DGCR2: variants seen among roughly 807,000 people sequenced by gnomAD.
DGCR2 encodes the protein DiGeorge syndrome critical region gene 2.
DGCR2 carries 24 observed loss-of-function variants against 51.6 expected under a neutral mutation model. The observed-to-expected ratio is 0.47, with a 90% CI of 0.34 to 0.65. The LOEUF is 0.65. Ranked by LOEUF, DGCR2 falls within the 30% of genes least tolerant of loss-of-function variation. The pLI is 0.01. For synonymous variants in DGCR2, 340 were observed against 315.4 expected (o/e 1.08, Z -0.82); for missense variants, 765 against 772.1 (o/e 0.99, Z 0.11).
chr22:19,082,101 C>A (rs1190999491), intron 2 of DGCR2, among the ~76,000 whole-genome samples: 1 of 146,480 alleles, frequency 6.8e-6, no homozygotes, highest in Non-Finnish European at 1.5e-5. Flanking sequence ...ACTCTGATGT[C>A]CAGTGGTGTA....
chr22:19,043,179 CTCT>C (rs935556431), intron 7 of DGCR2, among the ~76,000 whole-genome samples: 92 of 152,386 alleles, frequency 6.0e-4, no homozygotes, highest in African/African-American at 1.9e-3. Flanking sequence ...CCTTCCTCTG[CTCT>C]TCTTCAACCA....
intron 1 of DGCR2, among the ~76,000 whole-genome samples, chr22:19,117,326 T>C (rs897434549): frequency 6.6e-6 from 1 of 152,268 alleles, no homozygotes; most frequent in African/African-American, 2.4e-5. Context: ...TCTTCATTCC[T>C]AAACCCAGAA....
At chr22:19,085,923 T>C (rs1261674019) in intron 2 of DGCR2, among the ~76,000 whole-genome samples, 1 of 152,130 alleles carries the variant, frequency 6.6e-6, no homozygotes, top group Non-Finnish European at 1.5e-5. Flanking sequence ...GGGTGGTTAT[T>C]AGCTAACTCT....
chr22:19,094,006 C>CT (rs1239486226), intron 1 of DGCR2, among the ~76,000 whole-genome samples: 1 of 140,174 alleles, frequency 7.1e-6, no homozygotes, highest in East Asian at 2.0e-4. Context: ...CTCCCCAACT[C>CT]TAAAAAAAAA....
intron 5 of DGCR2, among the ~76,000 whole-genome samples, chr22:19,058,426 G>C (rs1018288221): frequency 6.6e-6 from 1 of 152,114 alleles, no homozygotes; most frequent in Non-Finnish European, 1.5e-5. Context: ...TGGAGGGCTG[G>C]TCTCCACTGC....
intron 2 of DGCR2, among the ~76,000 whole-genome samples, chr22:19,070,704 C>T (rs1342907929): frequency 1.3e-5 from 2 of 152,256 alleles, no homozygotes; most frequent in African/African-American, 2.4e-5. Flanking sequence ...AAGGACACCA[C>T]TCTGTTGAGC....
intron 1 of DGCR2, among the ~76,000 whole-genome samples, chr22:19,095,299 T>C (rs1038294191): frequency 6.6e-6 from 1 of 151,700 alleles, no homozygotes; most frequent in Non-Finnish European, 1.5e-5. Context: ...GAGGCAGAGG[T>C]TGCAGTGAGT....
chr22:19,118,695 G>A (rs1432541848), intron 1 of DGCR2, among the ~76,000 whole-genome samples: 1 of 152,244 alleles, frequency 6.6e-6, no homozygotes, highest in East Asian at 1.9e-4. Context: ...CCAGCAGGAA[G>A]GGACCAGGGT....
intron 6 of DGCR2, among the ~76,000 whole-genome samples, chr22:19,051,023 T>C (rs2082542267): frequency 6.6e-6 from 1 of 151,810 alleles, no homozygotes; most frequent in Non-Finnish European, 1.5e-5. Context: ...ACCCTGTCTC[T>C]ACTAAAAATA....
At chr22:19,095,196 C>T (rs779190985) in intron 1 of DGCR2, among the ~76,000 whole-genome samples, 1 of 152,082 alleles carries the variant, frequency 6.6e-6, no homozygotes, top group African/African-American at 2.4e-5. Flanking sequence ...AACCCCATCT[C>T]TACTAAAAAT....
intron 2 of DGCR2, among the ~76,000 whole-genome samples, chr22:19,086,021 A>G (rs1041868133): frequency 1.4e-4 from 22 of 152,180 alleles, no homozygotes; most frequent in Non-Finnish European, 2.6e-4. Flanking sequence ...ACTTGACTCT[A>G]TATCTATGAT....
Position 19,072,958 on chromosome 22 carries a change from T to G in DGCR2, c.203-4733A>C, listed in dbSNP as rs182650957. On this transcript the variant is annotated intron_variant, in intron 2 of 9. Transcript: ENST00000263196. ...CATTACTTGCCTCTGAAAATGATCT[T>G]GTACAAATGAACAGGAGGCCAGGTG... Among the ~76,000 whole-genome samples the G allele has an allele frequency of 3.4e-3, 514 of 152,178 alleles. 2 individuals carry two copies. The highest frequency in any genetic ancestry group is 0.012 in the African/African-American group (501 of 41,522).
At chr22:19,059,828 T>G (rs138906146) in intron 5 of DGCR2, among the ~76,000 whole-genome samples, 1,995 of 152,188 alleles carry the variant, frequency 0.013, 39 homozygotes, top group South Asian at 0.058. Flanking sequence ...CTCCCACATG[T>G]GCGAGCAGCC....
chr22:19,057,232 G>T lies in DGCR2; in HGVS notation c.626-70C>A. 1.4e-6 allele frequency: 2 copies of T among 1,439,952 alleles called. No individual in the cohort carries two copies. Among genetic ancestry groups the T allele is most frequent in the African/African-American group, 1.4e-5 (1 of 70,526 alleles). The allele number at this position is 1,439,952 out of a possible 1,614,324, so 89.2% of individuals were successfully genotyped here. A position where few individuals can be genotyped will look rare whatever the true frequency, so the allele number is the denominator to read the frequency against. On this transcript the variant is annotated intron_variant, in intron 5 of 9. Coordinates refer to ENST00000263196, the MANE Select transcript of DGCR2 (RefSeq NM_005137.3). This position sits in a 1 kb window ranked among gnomAD's most constrained non-coding sequence, Gnocchi z 5.1. Reference sequence around the variant, plus strand: ...GGACAAGCTGTGCAGTCCTCAAGGGGACCATGGCGTCAGACAGGATCATCA... The same window carrying T: ...GGACAAGCTGTGCAGTCCTCAAGGGTACCATGGCGTCAGACAGGATCATCA...
chr22:19,096,388 A>G (rs2083140015), intron 1 of DGCR2, among the ~76,000 whole-genome samples: 1 of 152,178 alleles, frequency 6.6e-6, no homozygotes. Flanking sequence ...ATAGGTACAA[A>G]AACACAGTTA....
intron 1 of DGCR2, among the ~76,000 whole-genome samples, chr22:19,095,451 G>C (rs2083128151): frequency 6.6e-6 from 1 of 152,046 alleles, no homozygotes; most frequent in East Asian, 1.9e-4. Context: ...CATGAAGTCA[G>C]GAGATGAAGA....
At chr22:19,056,180 T>C (rs1344796245) in intron 6 of DGCR2, among the ~76,000 whole-genome samples, 1 of 151,914 alleles carries the variant, frequency 6.6e-6, no homozygotes, top group Non-Finnish European at 1.5e-5. Flanking sequence ...CCGGGCGTGG[T>C]GGCAGGCACC....
At position 19,041,927 on chromosome 22, in the gene DGCR2, C is replaced by T. The variant is rs781339684; in HGVS notation, c.1039G>A (p.Gly347Arg). 1.3e-5 allele frequency: 21 copies of T among 1,613,318 alleles called. No individual in the cohort carries two copies. The highest frequency in any genetic ancestry group is 1.7e-5 in the Non-Finnish European group (20 of 1,179,820). The change falls in exon 8 of 10, where the codon GGG (glycine) becomes AGG (arginine). Residue 347 changes from glycine (G) to arginine (R), a missense_variant. By Grantham distance (125) the Gly-to-Arg change is moderately radical. Transcript: ENST00000263196. ...GNSLFDSMAS[G>R]MRLVVSCISS... is the part of the protein sequence containing the mutation. Reference sequence around the variant, plus strand: ...ATGCAGCTGACGACCAGGCGCATCCCGCTGGCCATGGAGTCAAACAGACTG... The same window carrying T: ...ATGCAGCTGACGACCAGGCGCATCCTGCTGGCCATGGAGTCAAACAGACTG...
Position 19,063,281 on chromosome 22 carries a change from G to A in DGCR2, c.549-3C>T, listed in dbSNP as rs749990706. On this transcript the variant is annotated splice_polypyrimidine_tract_variant and splice_region_variant and intron_variant, in intron 4 of 9. Coordinates refer to ENST00000263196, the MANE Select transcript of DGCR2 (RefSeq NM_005137.3). ...CATACTGATAGCCAACCCACAACCT[G>A]CAGGGCACAGAGACAGAGACAGAGA... The A allele has an allele frequency of 3.7e-6, 6 of 1,613,720 alleles. No individual in the cohort carries two copies. Among genetic ancestry groups the A allele is most frequent in the Admixed American group, 1.7e-5 (1 of 59,998 alleles).
Sources: gnomAD v4.1 joint callset for allele counts (sites outside exome capture counted in the v4.1 genomes callset) on GRCh38, gnomAD v4.1.1 for gene constraint, Gnocchi (gnomAD v3.1) non-coding constraint, MANE v1.5 for transcripts, NCBI Gene and HGNC (gene_info 2026-07-23, HGNC 2026-07-21) for gene names.